TCF4: variants seen among roughly 807,000 people sequenced by gnomAD.
TCF4 encodes the protein transcription factor 4.
Under a neutral mutation model 82.1 loss-of-function variants are expected in TCF4, and 3 were observed. The ratio of observed to expected loss-of-function variants is 0.04; its 90% CI spans 0.02 to 0.09. The LOEUF (loss-of-function observed/expected upper bound fraction) is 0.09. Among genes scored for constraint, TCF4 ranks in the 10% least tolerant of loss-of-function variants. The pLI, the probability that TCF4 is intolerant of heterozygous loss-of-function variation, is 1.00. For synonymous variants in TCF4, 276 were observed against 309.6 expected (o/e 0.89, Z 1.14); for missense variants, 518 against 852.7 (o/e 0.61, Z 4.89).
At chr18:55,309,532 G>A (rs2071583135) in intron 8 of TCF4, among the ~76,000 whole-genome samples, 1 of 152,174 alleles carries the variant, frequency 6.6e-6, no homozygotes, top group Admixed American at 6.5e-5. Flanking sequence ...TTACTGAGGT[G>A]CAGTAACGAT....
Position 55,254,464 on chromosome 18 carries a change from A to G in TCF4, c.1350+33T>C, listed in dbSNP as rs376285609. On this transcript the variant is annotated intron_variant, in intron 15 of 19. Coordinates refer to ENST00000354452, the MANE Select transcript of TCF4 (RefSeq NM_001083962.2). Reference sequence around the variant, plus strand: ...ATATCTGAAATTCTAACTCTATATGATAACTATAGAGTCTATAAATTTCAT... The same window carrying G: ...ATATCTGAAATTCTAACTCTATATGGTAACTATAGAGTCTATAAATTTCAT... The G allele has an allele frequency of 3.0e-5, 47 of 1,580,120 alleles. No homozygotes were observed. The African/African-American group carries it at 4.3e-4, about 14-fold the overall frequency.
chr18:55,519,433 CAAAAAAAGA>C (rs909377432), intron 3 of TCF4, among the ~76,000 whole-genome samples: 1 of 116,846 alleles, frequency 8.6e-6, no homozygotes, highest in Non-Finnish European at 1.8e-5. Flanking sequence ...GACCCCGTCT[CAAAAAAAGA>C]AAAAAAAAAA....
At chr18:55,336,866 C>T (rs1043589883) in intron 8 of TCF4, among the ~76,000 whole-genome samples, 1 of 152,012 alleles carries the variant, frequency 6.6e-6, no homozygotes, top group African/African-American at 2.4e-5. Flanking sequence ...TTTTGACAAA[C>T]ATTAAACACA....
At chr18:55,589,590 G>GAT, upstream of TCF4, 5 of 1,042,436 alleles carry the variant, frequency 4.8e-6, no homozygotes, top group Non-Finnish European at 5.8e-6. Context: ...ATGAACACAG[G>GAT]ATAGTTATAA....
chr18:55,376,824 A>G (rs982384028), intron 6 of TCF4, among the ~76,000 whole-genome samples: 2 of 152,230 alleles, frequency 1.3e-5, no homozygotes, highest in Non-Finnish European at 2.9e-5. Context: ...CACAGCATAT[A>G]GTTTCTGCCA....
chr18:55,279,260 T>G (rs375534759), intron 9 of TCF4, among the ~76,000 whole-genome samples: 29 of 152,338 alleles, frequency 1.9e-4, no homozygotes, highest in East Asian at 7.7e-4. Context: ...ATGGTGAAGA[T>G]GCTGAAATGG....
intron 6 of TCF4, among the ~76,000 whole-genome samples, chr18:55,379,079 G>T (rs1462118468): frequency 6.6e-6 from 1 of 152,146 alleles, no homozygotes; most frequent in Non-Finnish European, 1.5e-5. Context: ...TTCATTAGAT[G>T]ACCTCCCTGT....
chr18:55,440,192 T>C (rs559506581), intron 5 of TCF4, among the ~76,000 whole-genome samples: 1 of 152,340 alleles, frequency 6.6e-6, no homozygotes, highest in Non-Finnish European at 1.5e-5. Flanking sequence ...AGGACAAGTT[T>C]CAAAAGGGCT....
intron 2 of TCF4, among the ~76,000 whole-genome samples, chr18:55,611,221 C>A (rs1355868712): frequency 6.6e-6 from 1 of 152,154 alleles, no homozygotes; most frequent in East Asian, 1.9e-4. Context: ...TACATGACTG[C>A]CACAAACAGC....
chr18:55,530,933 C>G (rs1422482327), intron 3 of TCF4, among the ~76,000 whole-genome samples: 2 of 151,830 alleles, frequency 1.3e-5, no homozygotes, highest in African/African-American at 4.8e-5. Flanking sequence ...TTCTGGGATA[C>G]CAGAGCATTT....
At chr18:55,504,560 A>C (rs1434414845) in intron 3 of TCF4, among the ~76,000 whole-genome samples, 4 of 152,224 alleles carry the variant, frequency 2.6e-5, no homozygotes. Context: ...TAGTCATTTT[A>C]ATCTGCCAAG....
chr18:55,580,816 T>C (rs2097568949), intron 3 of TCF4, among the ~76,000 whole-genome samples: 1 of 150,712 alleles, frequency 6.6e-6, no homozygotes, highest in Admixed American at 6.6e-5. Context: ...AAACCTGAGG[T>C]TAAAACCTAA....
chr18:55,434,766 G>GTGTGTGTGTGTGTGTT (rs1222586937), intron 5 of TCF4, among the ~76,000 whole-genome samples: 12 of 143,150 alleles, frequency 8.4e-5, no homozygotes, highest in Non-Finnish European at 1.7e-4. Context: ...AAGTATTCGT[G>GTGTGTGTGTGTGTGTT]TGTGTGTGTG....
In TCF4 at chr18:55,531,191, T is replaced by C. The variant is rs193276600; in HGVS notation, c.145+54089A>G. Among the ~76,000 whole-genome samples, 14 of 152,112 alleles carry C rather than the reference T, an allele frequency of 9.2e-5. No individual in the cohort carries two copies. The East Asian group carries it at 2.5e-3, about 27-fold the overall frequency. ...CTGGTCTCCAACTCCTGACCTCAAG[T>C]GATCCACCTGCCTCAGCCTCCCAAA... On this transcript the variant is annotated intron_variant, in intron 3 of 19. Coordinates refer to ENST00000354452, the MANE Select transcript of TCF4 (RefSeq NM_001083962.2).
intron 6 of TCF4, among the ~76,000 whole-genome samples, chr18:55,376,144 C>T (rs1447424091): frequency 2.0e-5 from 3 of 151,406 alleles, no homozygotes; most frequent in African/African-American, 7.3e-5. Flanking sequence ...ACTTCAGCCT[C>T]CTGAGTAGCT....
chr18:55,320,335 T>A (rs932642762), intron 8 of TCF4, among the ~76,000 whole-genome samples: 14 of 152,220 alleles, frequency 9.2e-5, no homozygotes, highest in African/African-American at 3.4e-4. Flanking sequence ...TGCTCTTTTT[T>A]AAAAAAGATA....
At chr18:55,626,625 T>C (rs567086361) in intron 2 of TCF4, among the ~76,000 whole-genome samples, 1 of 152,312 alleles carries the variant, frequency 6.6e-6, no homozygotes, top group South Asian at 2.1e-4. Flanking sequence ...ATGTAGGTAG[T>C]TATGGAAATG....
At chr18:55,244,607 G>A (rs2052451798) in intron 15 of TCF4, among the ~76,000 whole-genome samples, 1 of 152,218 alleles carries the variant, frequency 6.6e-6, no homozygotes, top group Admixed American at 6.5e-5. Context: ...GTGCCCTGCA[G>A]AAGATTCCAG....
intron 1 of TCF4, among the ~76,000 whole-genome samples, chr18:55,632,462 TGA>T (rs1416398200): frequency 2.0e-5 from 3 of 152,200 alleles, no homozygotes; most frequent in East Asian, 1.9e-4. Context: ...TGGAGTTTTT[TGA>T]GAGTTGAAGA....
Sources: allele counts gnomAD v4.1 joint callset (sites outside exome capture counted in the v4.1 genomes callset), GRCh38; gene constraint gnomAD v4.1.1; transcripts MANE v1.5; gene names NCBI Gene and HGNC (gene_info 2026-07-23, HGNC 2026-07-21).